Variants in TM9SF2 observed in about 807,000 individuals in gnomAD.
TM9SF2 encodes the protein 76 kDa membrane protein.
A neutral mutation model predicts 84.9 loss-of-function variants in TM9SF2; 13 were observed. The ratio of observed to expected loss-of-function variants is 0.15; its 90% CI spans 0.10 to 0.24. The LOEUF (loss-of-function observed/expected upper bound fraction) is 0.24. TM9SF2 is among the 10% of genes least tolerant of loss of function. TM9SF2 has a pLI of 1.00. For synonymous variants in TM9SF2, 273 were observed against 285.8 expected (o/e 0.96, Z 0.45); for missense variants, 562 against 818.5 (o/e 0.69, Z 3.82).
chr13:99,518,628 G>GC (rs2046145059), intron 2 of TM9SF2, among the ~76,000 whole-genome samples: 1 of 152,064 alleles, frequency 6.6e-6, no homozygotes, highest in Non-Finnish European at 1.5e-5. Context: ...ACAAGGTCTT[G>GC]CTCTGTTGCC....
chr13:99,553,015 A>G (rs1369268600), intron 13 of TM9SF2, among the ~76,000 whole-genome samples: 1 of 152,212 alleles, frequency 6.6e-6, no homozygotes, highest in Non-Finnish European at 1.5e-5. Context: ...CCCTGCTAAT[A>G]TTGGATTTTA....
At chr13:99,507,438 A>T (rs1193362758) in intron 1 of TM9SF2, among the ~76,000 whole-genome samples, 1 of 152,150 alleles carries the variant, frequency 6.6e-6, no homozygotes. Context: ...GTCATAACTC[A>T]TTGCAGCTTT....
rs146246775 is a variant in TM9SF2 at position 99,523,390 on chromosome 13, A to G, written c.333+3261A>G. Among the ~76,000 whole-genome samples the G allele has an allele frequency of 7.9e-5, 12 of 152,208 alleles. No homozygotes were observed. In the East Asian group the frequency reaches 9.7e-4, roughly 12 times the overall value. Reference sequence around the variant, plus strand: ...GGTCTTGAACTCCTGGGCTCAAGCAATCCTCCTGCCTTAGCCACCCAAAGT... The same window carrying G: ...GGTCTTGAACTCCTGGGCTCAAGCAGTCCTCCTGCCTTAGCCACCCAAAGT... On this transcript the variant is annotated intron_variant, in intron 3 of 16. Coordinates refer to ENST00000376387, the MANE Select transcript of TM9SF2 (RefSeq NM_004800.3).
chr13:99,545,081 T>C (rs1057501702), intron 10 of TM9SF2, among the ~76,000 whole-genome samples: 4 of 152,206 alleles, frequency 2.6e-5, no homozygotes, highest in African/African-American at 9.6e-5. Context: ...TAGCAACAAA[T>C]GAATATACTG....
chr13:99,504,633 A>C (rs1040191014), intron 1 of TM9SF2, among the ~76,000 whole-genome samples: 4 of 152,222 alleles, frequency 2.6e-5, no homozygotes, highest in Non-Finnish European at 4.4e-5. Context: ...TCTCTTTAAA[A>C]ATTATCTTAT....
chr13:99,543,723 C>T, intron 9 of TM9SF2, 140 bp from the exon 10 acceptor site: 1 of 1,094,740 alleles, frequency 9.1e-7, no homozygotes, highest in Non-Finnish European at 1.3e-6. Flanking sequence ...CTGTATTCTT[C>T]AAAATTGAAA....
chr13:99,531,787 G>A (rs908109890), intron 4 of TM9SF2, among the ~76,000 whole-genome samples: 2 of 152,070 alleles, frequency 1.3e-5, no homozygotes, highest in African/African-American at 4.8e-5. Context: ...TCTGGTAAAC[G>A]AAGAGCTTGT....
chr13:99,529,080 TTGTC>T (rs1316560734), intron 3 of TM9SF2, among the ~76,000 whole-genome samples: 7 of 152,174 alleles, frequency 4.6e-5, no homozygotes, highest in African/African-American at 1.4e-4. Flanking sequence ...ACATAAAAAT[TTGTC>T]TGCTTGTTAC....
At chr13:99,532,603 T>C (rs956395577) in intron 4 of TM9SF2, among the ~76,000 whole-genome samples, 1 of 152,050 alleles carries the variant, frequency 6.6e-6, no homozygotes, top group African/African-American at 2.4e-5. Flanking sequence ...GGCAGGAGAA[T>C]TGCTTGAACC....
chr13:99,529,136 G>T (rs1594051963), intron 3 of TM9SF2, among the ~76,000 whole-genome samples: 2 of 152,120 alleles, frequency 1.3e-5, no homozygotes, highest in South Asian at 2.1e-4. Flanking sequence ...CATGACCATG[G>T]GATATTACTA....
chr13:99,555,569 A>T lies in TM9SF2; in HGVS notation c.1674A>T (p.Leu558=), dbSNP rs146144200. ...SHQMYYMFGF[L]FLVFIILVIT... ...AGATGTATTACATGTTTGGCTTCCT[A>T]TTTCTGGTGTTTATCATTTTGGTTA... is the stretch of plus-strand genomic sequence containing the variant. Residue 558 remains leucine (L), a synonymous_variant, in exon 15 of 17, where the codon CTA becomes CTT. Coordinates refer to ENST00000376387, the MANE Select transcript of TM9SF2 (RefSeq NM_004800.3). 204 of 1,613,858 alleles carry T rather than the reference A, an allele frequency of 1.3e-4. 1 individual carries two copies. The African/African-American group carries it at 2.4e-3, about 19-fold the overall frequency.
At chr13:99,542,693 A>G (rs2046266067) in intron 9 of TM9SF2, among the ~76,000 whole-genome samples, 2 of 152,086 alleles carry the variant, frequency 1.3e-5, no homozygotes, top group South Asian at 2.1e-4. Flanking sequence ...TCTCTTTCCT[A>G]TGATTTTTAT....
At chr13:99,532,165 C>T (rs2046213219) in intron 4 of TM9SF2, among the ~76,000 whole-genome samples, 2 of 151,786 alleles carry the variant, frequency 1.3e-5, no homozygotes, top group Admixed American at 6.6e-5. Context: ...CATTCTCCTG[C>T]CTCAGCCTCC....
intron 4 of TM9SF2, among the ~76,000 whole-genome samples, chr13:99,532,978 G>C (rs2046217427): frequency 6.6e-6 from 1 of 152,174 alleles, no homozygotes; most frequent in Non-Finnish European, 1.5e-5. Context: ...TTTGGAAAAT[G>C]TTGATTCACA....
intron 1 of TM9SF2, among the ~76,000 whole-genome samples, chr13:99,506,645 T>A (rs1186369617): frequency 6.6e-6 from 1 of 152,238 alleles, no homozygotes; most frequent in Non-Finnish European, 1.5e-5. Context: ...TAAAATTGTG[T>A]CTTTCTGCCT....
At chr13:99,522,593 A>G (rs1048571751) in intron 3 of TM9SF2, among the ~76,000 whole-genome samples, 1 of 152,158 alleles carries the variant, frequency 6.6e-6, no homozygotes, top group Non-Finnish European at 1.5e-5. Flanking sequence ...TAAATTTTAC[A>G]ATCTTAAATA....
chr13:99,527,750 C>G (rs2046190319), intron 3 of TM9SF2, among the ~76,000 whole-genome samples: 1 of 152,168 alleles, frequency 6.6e-6, no homozygotes, highest in African/African-American at 2.4e-5. Flanking sequence ...TGGTGAGATA[C>G]ATAACAATAA....
Position 99,559,363 on chromosome 13 carries a change from G to C in TM9SF2, c.1753G>C (p.Asp585His). Residue 585 changes from aspartate to histidine, a missense_variant and splice_region_variant, in exon 16 of 17, where the codon GAT becomes CAT. Asp to His is a moderately conservative substitution (Grantham distance 81). Coordinates refer to ENST00000376387, the MANE Select transcript of TM9SF2 (RefSeq NM_004800.3). ...TTGTTCTTTTTTCTTTACTACCTAG[G>C]ATTATCATTGGCAATGGCGTTCATT... ...LLCYFHLCAE[D>H]YHWQWRSFLT... is the part of the protein sequence containing the mutation. The C allele has an allele frequency of 6.3e-7, 1 of 1,588,714 alleles. No individual in the cohort carries two copies. The highest frequency in any genetic ancestry group is 1.2e-5 in the South Asian group (1 of 85,688).
At chr13:99,539,149 G>A (rs2046246996) in intron 6 of TM9SF2, among the ~76,000 whole-genome samples, 1 of 150,988 alleles carries the variant, frequency 6.6e-6, no homozygotes, top group Admixed American at 6.6e-5. Flanking sequence ...GTTTGAGGCT[G>A]CATTGAACTG....
Sources: allele counts gnomAD v4.1 joint callset (sites outside exome capture counted in the v4.1 genomes callset), GRCh38; gene constraint gnomAD v4.1.1; transcripts MANE v1.5; gene names NCBI Gene and HGNC (gene_info 2026-07-23, HGNC 2026-07-21).